Variants in NXPE2 observed in about 807,000 individuals in gnomAD.
NXPE2 encodes neurexophilin and PC-esterase domain family member 2.
Under a neutral mutation model 34.4 loss-of-function variants are expected in NXPE2, and 34 were observed. The ratio of observed to expected loss-of-function variants is 0.99; its 90% CI spans 0.75 to 1.31. The LOEUF (loss-of-function observed/expected upper bound fraction) is 1.31. Among genes scored for constraint, NXPE2 ranks in the 40% most tolerant of loss-of-function variants. NXPE2 has a pLI of 0.00. For missense variants in NXPE2, 649 were observed against 672.5 expected, an observed-to-expected ratio of 0.97 and a Z score of 0.39; for synonymous variants, 235 against 231.3, an observed-to-expected ratio of 1.02 and a Z score of -0.15.
At chr11:114,632,457 T>A in the NXPE2 span, among the ~76,000 whole-genome samples, 1 of 129,308 alleles carries the variant, frequency 7.7e-6, no homozygotes, top group East Asian at 2.1e-4. Context: ...TTTATAAGAG[T>A]TATACATTAT....
At chr11:114,621,313 A>T in the NXPE2 span, among the ~76,000 whole-genome samples, 1 of 152,086 alleles carries the variant, frequency 6.6e-6, no homozygotes, top group African/African-American at 2.4e-5. Flanking sequence ...CTTTGTGGGT[A>T]TCCACTGTTA....
At chr11:114,585,675 T>A in the NXPE2 span, among the ~76,000 whole-genome samples, 1 of 152,084 alleles carries the variant, frequency 6.6e-6, no homozygotes, top group African/African-American at 2.4e-5. Flanking sequence ...AAACAGGAAC[T>A]AGAAAGAAAT....
At chr11:114,493,327 A>G in the NXPE2 span, among the ~76,000 whole-genome samples, 2 of 152,162 alleles carry the variant, frequency 1.3e-5, no homozygotes. Flanking sequence ...GTTATTATTG[A>G]TAAGCAAGGG....
the NXPE2 span, among the ~76,000 whole-genome samples, chr11:114,633,122 A>C: frequency 8.2e-6 from 1 of 122,132 alleles, no homozygotes; most frequent in Non-Finnish European, 1.6e-5. Context: ...TATTTTATAT[A>C]ATTTATATTT....
chr11:114,523,727 C>G, the NXPE2 span, among the ~76,000 whole-genome samples: 1 of 152,122 alleles, frequency 6.6e-6, no homozygotes, highest in African/African-American at 2.4e-5. Context: ...AGGTAGGTAG[C>G]AGTGAAGCAA....
At chr11:114,584,878 T>A in the NXPE2 span, among the ~76,000 whole-genome samples, 1 of 152,160 alleles carries the variant, frequency 6.6e-6, no homozygotes, top group African/African-American at 2.4e-5. Flanking sequence ...TGATCTCTTC[T>A]AGGAAATGCC....
the NXPE2 span, among the ~76,000 whole-genome samples, chr11:114,742,243 C>T: frequency 6.6e-6 from 1 of 152,166 alleles, no homozygotes; most frequent in Non-Finnish European, 1.5e-5. Flanking sequence ...GGACTCAGTG[C>T]ATTTGGAGTG....
At chr11:114,608,789 T>G in the NXPE2 span, among the ~76,000 whole-genome samples, 3 of 142,068 alleles carry the variant, frequency 2.1e-5, no homozygotes, top group African/African-American at 5.3e-5. Context: ...ACGGTTACCC[T>G]GTGGAAAATA....
chr11:114,549,645 A>G, the NXPE2 span, among the ~76,000 whole-genome samples: 4 of 152,090 alleles, frequency 2.6e-5, no homozygotes, highest in Non-Finnish European at 5.9e-5. Flanking sequence ...GGGAAACACT[A>G]AAGGCTTTGT....
the NXPE2 span, among the ~76,000 whole-genome samples, chr11:114,525,922 T>C: frequency 1.4e-3 from 209 of 152,360 alleles, no homozygotes; most frequent in African/African-American, 4.6e-3. Flanking sequence ...TGGTCTCTCC[T>C]GTCCCTTAAT....
the NXPE2 span, among the ~76,000 whole-genome samples, chr11:114,614,231 G>A: frequency 2.0e-5 from 3 of 151,906 alleles, no homozygotes; most frequent in Non-Finnish European, 4.4e-5. Flanking sequence ...GTTGCCTCGT[G>A]GGTAACCACT....
the NXPE2 span, among the ~76,000 whole-genome samples, chr11:114,518,887 A>T: frequency 6.9e-6 from 1 of 144,502 alleles, no homozygotes; most frequent in South Asian, 2.2e-4. Context: ...TTACATATTC[A>T]TGCTATAAAG....
At chr11:114,663,633 CT>C in the NXPE2 span, among the ~76,000 whole-genome samples, 20,062 of 103,216 alleles carry the variant, frequency 0.19, 1,581 homozygotes, top group South Asian at 0.23. Context: ...ATCTATCTAT[CT>C]ATCATCTATC....
chr11:114,813,519 T>C, the NXPE2 span, among the ~76,000 whole-genome samples: 1 of 152,216 alleles, frequency 6.6e-6, no homozygotes, highest in African/African-American at 2.4e-5. Flanking sequence ...AGTGGCTTTC[T>C]CATCTGTGCA....
At chr11:114,522,146 C>A in the NXPE2 span, 1 of 1,613,872 alleles carries the variant, frequency 6.2e-7, no homozygotes, top group Non-Finnish European at 8.5e-7. Context: ...GTCTCCAAAC[C>A]TCTCTGTCTC....
chr11:114,518,556 GGAAATT>G, the NXPE2 span, among the ~76,000 whole-genome samples: 2 of 152,180 alleles, frequency 1.3e-5, no homozygotes, highest in African/African-American at 4.8e-5. Context: ...GGATATATTT[GGAAATT>G]GAAATCTTAA....
the NXPE2 span, among the ~76,000 whole-genome samples, chr11:114,648,373 CAGTGTGA>C: frequency 6.6e-6 from 1 of 152,256 alleles, no homozygotes; most frequent in African/African-American, 2.4e-5. Flanking sequence ...ACCCATATCT[CAGTGTGA>C]AGGCATTCAG....
the NXPE2 span, among the ~76,000 whole-genome samples, chr11:114,607,787 G>A: frequency 2.0e-5 from 3 of 151,858 alleles, no homozygotes; most frequent in South Asian, 4.2e-4. Flanking sequence ...CTGTTACACG[G>A]TGGAGAATAA....
chr11:114,572,434 A>T, the NXPE2 span, among the ~76,000 whole-genome samples: 1 of 152,228 alleles, frequency 6.6e-6, no homozygotes, highest in African/African-American at 2.4e-5. Flanking sequence ...GAGGCACCAG[A>T]GAAAGGTGAA....
Sources: gnomAD v4.1 joint callset for allele counts (sites outside exome capture counted in the v4.1 genomes callset) on GRCh38, gnomAD v4.1.1 for gene constraint, MANE v1.5 for transcripts, NCBI Gene and HGNC (gene_info 2026-07-23, HGNC 2026-07-21) for gene names.